The following SANBR variants were observed in gnomAD, a reference collection of about 807,000 sequenced individuals.
SANBR encodes the protein SANT and BTB domain regulator of class switch recombination.
Under a neutral mutation model 101.8 loss-of-function variants are expected in SANBR, and 77 were observed. The ratio of observed to expected loss-of-function variants is 0.76; its 90% CI spans 0.63 to 0.91. SANBR has a LOEUF of 0.91. Among genes scored for constraint, SANBR ranks in the 40% least tolerant of loss-of-function variants. The pLI is 0.00. For synonymous variants in SANBR, 279 were observed against 274.7 expected (o/e 1.02, Z -0.15); for missense variants, 875 against 853.0 (o/e 1.03, Z -0.32).
At chr2:61,102,729 G>A (rs538845553) in intron 12 of SANBR, among the ~76,000 whole-genome samples, 58 of 151,998 alleles carry the variant, frequency 3.8e-4, no homozygotes, top group African/African-American at 1.3e-3. Flanking sequence ...TCGGAGACAG[G>A]GTTTCACCAT....
rs574315069 is a variant in SANBR, at chr2:61,121,998, A to G, written c.2121-128A>G. ...CATCTCCTGTTAAGAGTTTTAGAAA[A>G]TGGATTACGGAGCTGCAAGAAGATT... On this transcript the variant is annotated intron_variant, in intron 21 of 21. Transcript: ENST00000402291. 9.8e-5 allele frequency: 123 copies of G among 1,253,558 alleles called. 1 individual carries two copies. The African/African-American group carries it at 1.8e-3, about 18-fold the overall frequency. 77.7% of individuals were successfully genotyped at this position (1,253,558 alleles called of 1,614,324 possible). A position where few individuals can be genotyped will look rare whatever the true frequency, so the allele number is the denominator to read the frequency against.
chr2:61,099,731 G>C (rs745816722), intron 12 of SANBR, among the ~76,000 whole-genome samples: 120 of 152,318 alleles, frequency 7.9e-4, no homozygotes, highest in Non-Finnish European at 1.6e-3. Flanking sequence ...GCTATGGCTG[G>C]GTGAAGCAGC....
At chr2:61,109,715 C>T (rs894233232) in intron 16 of SANBR, among the ~76,000 whole-genome samples, 3 of 133,566 alleles carry the variant, frequency 2.2e-5, no homozygotes, top group Non-Finnish European at 4.6e-5. Flanking sequence ...CAGAGTCTCA[C>T]TCTGTCACAG....
At chr2:61,104,415 G>A (rs1420525555) in intron 13 of SANBR, among the ~76,000 whole-genome samples, 1 of 151,666 alleles carries the variant, frequency 6.6e-6, no homozygotes, top group Admixed American at 6.6e-5. Context: ...CCGGGAGGTG[G>A]AGCTGGCAGT....
intron 11 of SANBR, among the ~76,000 whole-genome samples, chr2:61,097,044 C>T (rs1394985376): frequency 6.6e-6 from 1 of 152,124 alleles, no homozygotes; most frequent in Non-Finnish European, 1.5e-5. Flanking sequence ...ATCCCAGCTA[C>T]TCAGGAGGCT....
intron 20 of SANBR, among the ~76,000 whole-genome samples, chr2:61,133,725 G>C (rs913883618): frequency 2.6e-5 from 4 of 152,188 alleles, no homozygotes; most frequent in Non-Finnish European, 5.9e-5. Flanking sequence ...AAAATGTCCA[G>C]AATGGTCAAA....
intron 12 of SANBR, 59 bp from the exon 13 acceptor site, chr2:61,103,794 T>A: frequency 6.8e-7 from 1 of 1,476,564 alleles, no homozygotes; most frequent in Non-Finnish European, 9.3e-7. Context: ...AAAACAGTGA[T>A]CTTTAAAGGA....
At chr2:61,075,983 C>CTTTATTTATTTA (rs529777250) in intron 5 of SANBR, among the ~76,000 whole-genome samples, 1 of 151,172 alleles carries the variant, frequency 6.6e-6, no homozygotes, top group African/African-American at 2.4e-5. Context: ...TTTTTATAAA[C>CTTTATTTATTTA]TTTATTTATT....
rs1371094606 is a variant in SANBR, at chr2:61,117,470, G to C, written c.1869G>C (p.Met623Ile). Reference sequence around the variant, plus strand: ...TTTTGTTCAATTTTTTCAATAGTATGAGTATGCAGAAGAATAAGTGGGATG... The same window carrying C: ...TTTTGTTCAATTTTTTCAATAGTATCAGTATGCAGAAGAATAAGTGGGATG... ...SASRDVSPFV[M>I]SMQKNKWDAT... Residue 623 changes from methionine to isoleucine, a missense_variant, in exon 19 of 22, where the codon ATG becomes ATC. Coordinates refer to ENST00000402291, the MANE Select transcript of SANBR (RefSeq NM_001129993.3). 6.2e-7 allele frequency: 1 copy of C among 1,613,600 alleles called. No individual in the cohort carries two copies. Among genetic ancestry groups the C allele is most frequent in the East Asian group, 2.2e-5 (1 of 44,842 alleles).
chr2:61,080,445 G>C (rs997668902), intron 6 of SANBR, among the ~76,000 whole-genome samples: 1 of 151,588 alleles, frequency 6.6e-6, no homozygotes, highest in Non-Finnish European at 1.5e-5. Flanking sequence ...AGCCTTCACC[G>C]GGCGTGGTGG....
At chr2:61,073,942 A>T (rs990754786) in intron 5 of SANBR, among the ~76,000 whole-genome samples, 4 of 149,270 alleles carry the variant, frequency 2.7e-5, no homozygotes, top group African/African-American at 7.5e-5. Flanking sequence ...TTTTAGAATT[A>T]AAATGTCTTT....
At chr2:61,132,428 A>G (rs1242826477) in intron 20 of SANBR, among the ~76,000 whole-genome samples, 1 of 152,216 alleles carries the variant, frequency 6.6e-6, no homozygotes, top group African/African-American at 2.4e-5. Context: ...GCTCAACATC[A>G]TTGGCCATCA....
In SANBR at chr2:61,077,146, A is replaced by T. The variant is rs1559080055; in HGVS notation, c.658A>T (p.Met220Leu). Residue 220 changes from methionine (M) to leucine (L), a missense_variant, in exon 6 of 22, where the codon ATG (methionine) becomes TTG (leucine). By Grantham distance (15) the Met-to-Leu change is conservative. Coordinates refer to ENST00000402291, the MANE Select transcript of SANBR (RefSeq NM_001129993.3). ...RNTKENKDCE[M>L]PTLEPGNVIS... ...CACTAAGGAGAATAAAGATTGTGAG[A>T]TGCCCACTTTAGGTAAAAAACAATC... 2 of 1,598,666 alleles carry T rather than the reference A, an allele frequency of 1.3e-6. No individual in the cohort carries two copies. The highest frequency in any genetic ancestry group is 1.7e-6 in the Non-Finnish European group (2 of 1,166,914).
chr2:61,106,259 TG>T (rs1169907453), intron 13 of SANBR, among the ~76,000 whole-genome samples: 5 of 151,404 alleles, frequency 3.3e-5, no homozygotes, highest in Non-Finnish European at 5.9e-5. Context: ...GGCATGATGG[TG>T]GGTGCCTGTA....
intron 14 of SANBR, among the ~76,000 whole-genome samples, chr2:61,107,119 G>T (rs992102913): frequency 1.3e-5 from 2 of 148,328 alleles, no homozygotes; most frequent in African/African-American, 2.5e-5. Context: ...AGTGAGCCGA[G>T]ATCACACTAC....
At chr2:61,121,098 T>G in intron 20 of SANBR, 87 bp from the exon 21 acceptor site, 1 of 947,558 alleles carries the variant, frequency 1.1e-6, no homozygotes, top group South Asian at 1.6e-5. Context: ...ATAAAATTAC[T>G]TCTAAATTAA....
chr2:61,122,524 CTGGTAG>C lies in SANBR; in HGVS notation c.*365_*370del. 1 of 1,012,486 alleles carries C rather than the reference CTGGTAG, an allele frequency of 9.9e-7. No homozygotes were observed. The highest frequency in any genetic ancestry group is 1.2e-6 in the Non-Finnish European group (1 of 847,692). 62.7% of individuals were successfully genotyped at this position (1,012,486 alleles called of 1,614,324 possible). On this transcript the variant is annotated 3_prime_UTR_variant, in exon 22 of 22. Coordinates refer to ENST00000402291, the MANE Select transcript of SANBR (RefSeq NM_001129993.3). ...GACCTTAAAAGTTAGGGGAACACAA[CTGGTAG>C]TGTTACCATGCATGGCACTGATTGT...
chr2:61,119,083 C>G (rs752675070), intron 20 of SANBR, among the ~76,000 whole-genome samples: 3 of 152,216 alleles, frequency 2.0e-5, no homozygotes, highest in Non-Finnish European at 4.4e-5. Flanking sequence ...CAATTTTCAT[C>G]AACTCTGCAT....
intron 20 of SANBR, chr2:61,134,016 A>T (rs1684768172): frequency 6.3e-6 from 9 of 1,430,974 alleles, no homozygotes; most frequent in Non-Finnish European, 8.6e-6. Context: ...ATAGAAATAT[A>T]ACCCACAATC....
Sources: gnomAD v4.1 joint callset for allele counts (sites outside exome capture counted in the v4.1 genomes callset) on GRCh38, gnomAD v4.1.1 for gene constraint, MANE v1.5 for transcripts, NCBI Gene and HGNC (gene_info 2026-07-23, HGNC 2026-07-21) for gene names.